The following TMEM45A variants were observed in gnomAD, a reference collection of about 807,000 sequenced individuals.
TMEM45A encodes DNA polymerase-transactivated protein 4.
In TMEM45A, 25 loss-of-function variants were observed where a neutral mutation model predicts 32.0. The ratio of observed to expected loss-of-function variants is 0.78; its 90% CI spans 0.57 to 1.09. The LOEUF (loss-of-function observed/expected upper bound fraction) is 1.09. Ranked by LOEUF, TMEM45A falls within the 50% of genes least tolerant of loss-of-function variation. The pLI, the probability that TMEM45A is intolerant of heterozygous loss-of-function variation, is 0.00. For synonymous variants in TMEM45A, 122 were observed against 114.8 expected, an observed-to-expected ratio of 1.06 and a Z score of -0.40; for missense variants, 302 against 325.0, an observed-to-expected ratio of 0.93 and a Z score of 0.54.
chr3:100,523,005 C>G (rs1334101488), intron 1 of TMEM45A, among the ~76,000 whole-genome samples: 5 of 152,186 alleles, frequency 3.3e-5, no homozygotes, highest in Non-Finnish European at 5.9e-5. Context: ...TGCATGTCCC[C>G]TGTCCCCTCC....
chr3:100,540,177 A>C (rs1005832011), intron 1 of TMEM45A, among the ~76,000 whole-genome samples: 3 of 152,170 alleles, frequency 2.0e-5, no homozygotes, highest in African/African-American at 7.2e-5. Flanking sequence ...ATTTTGAGTT[A>C]ATTTTTATGG....
chr3:100,495,019 C>T (rs1001301878), intron 1 of TMEM45A, among the ~76,000 whole-genome samples: 1 of 152,328 alleles, frequency 6.6e-6, no homozygotes, highest in African/African-American at 2.4e-5. Flanking sequence ...CATGTCTTTG[C>T]TGTTGTACTC....
chr3:100,561,793 T>C (rs7647499), intron 4 of TMEM45A, among the ~76,000 whole-genome samples: 35,671 of 152,080 alleles, frequency 0.23, 5,867 homozygotes, highest in African/African-American at 0.45. Context: ...TTGCTTCTTG[T>C]TTTTTAGGAC....
intron 4 of TMEM45A, among the ~76,000 whole-genome samples, chr3:100,567,811 G>A (rs1405515737): frequency 1.3e-5 from 2 of 152,000 alleles, no homozygotes; most frequent in Non-Finnish European, 2.9e-5. Context: ...TTGAGACGGA[G>A]ACTTGCTCTG....
At position 100,568,921 on chromosome 3, in the gene TMEM45A, G is replaced by T; in HGVS notation, c.688G>T (p.Ala230Ser). 6.2e-7 allele frequency: 1 copy of T among 1,613,738 alleles called. No homozygotes were observed. Among genetic ancestry groups the T allele is most frequent in the Non-Finnish European group, 8.5e-7 (1 of 1,179,812 alleles). Residue 230 changes from alanine (A) to serine (S), a missense_variant, in exon 5 of 6, where the codon GCA becomes TCA. By Grantham distance (99) the Ala-to-Ser change is moderately conservative. Coordinates refer to ENST00000323523, the MANE Select transcript of TMEM45A (RefSeq NM_018004.3). ...FLTICFCWHYAVTIVIVGMNY... is the reference protein window; with the variant it reads ...FLTICFCWHYSVTIVIVGMNY... ...CACCATATGCTTTTGTTGGCATTAT[G>T]CAGTAACCATTGTCATCGTTGGAAT...
At chr3:100,536,773 C>T (rs1299426580) in intron 1 of TMEM45A, among the ~76,000 whole-genome samples, 2 of 152,186 alleles carry the variant, frequency 1.3e-5, no homozygotes, top group East Asian at 1.9e-4. Context: ...TTGTCCCTTT[C>T]GATGCAGTTC....
chr3:100,536,039 A>G (rs1705734094), intron 1 of TMEM45A, among the ~76,000 whole-genome samples: 1 of 152,182 alleles, frequency 6.6e-6, no homozygotes, highest in South Asian at 2.1e-4. Flanking sequence ...CCCCCAGGTG[A>G]CATTTATCAA....
At chr3:100,529,484 G>A (rs1705608175) in intron 1 of TMEM45A, among the ~76,000 whole-genome samples, 1 of 152,094 alleles carries the variant, frequency 6.6e-6, no homozygotes, top group African/African-American at 2.4e-5. Context: ...GCGCTGTGGG[G>A]GCATAGTGGG....
chr3:100,566,941 T>C (rs780688918), intron 4 of TMEM45A, among the ~76,000 whole-genome samples: 11 of 152,148 alleles, frequency 7.2e-5, no homozygotes, highest in Non-Finnish European at 1.5e-4. Flanking sequence ...AGTTGTCTTT[T>C]CATTTTCTTA....
chr3:100,564,919 A>G (rs1294659191), intron 4 of TMEM45A, among the ~76,000 whole-genome samples: 1 of 152,242 alleles, frequency 6.6e-6, no homozygotes, highest in Non-Finnish European at 1.5e-5. Flanking sequence ...CTTCCATCTC[A>G]GTACTGATTA....
chr3:100,531,698 T>C (rs1481921210), intron 1 of TMEM45A, among the ~76,000 whole-genome samples: 1 of 152,230 alleles, frequency 6.6e-6, no homozygotes, highest in Non-Finnish European at 1.5e-5. Flanking sequence ...TCAGTAGTTA[T>C]TGGCTTGAAT....
At chr3:100,524,282 C>G (rs1192747876) in intron 1 of TMEM45A, among the ~76,000 whole-genome samples, 2 of 152,282 alleles carry the variant, frequency 1.3e-5, no homozygotes, top group East Asian at 3.9e-4. Context: ...AACCAGTGTC[C>G]TCATTTATAA....
intron 1 of TMEM45A, among the ~76,000 whole-genome samples, chr3:100,528,485 A>G (rs1705589264): frequency 6.6e-6 from 1 of 152,170 alleles, no homozygotes; most frequent in Non-Finnish European, 1.5e-5. Flanking sequence ...GGCTGAAGTA[A>G]TGACTTTAAG....
chr3:100,508,040 G>A (rs1708101464), intron 1 of TMEM45A, among the ~76,000 whole-genome samples: 1 of 151,782 alleles, frequency 6.6e-6, no homozygotes, highest in Non-Finnish European at 1.5e-5. Context: ...CATGGAAGGA[G>A]AGGAAAGCAA....
intron 1 of TMEM45A, among the ~76,000 whole-genome samples, chr3:100,513,023 C>A (rs1317097759): frequency 6.7e-6 from 1 of 149,508 alleles, no homozygotes; most frequent in Non-Finnish European, 1.5e-5. Flanking sequence ...CAGATGGATT[C>A]ACAGCCGAAT....
At chr3:100,565,510 A>G (rs1309883417) in intron 4 of TMEM45A, among the ~76,000 whole-genome samples, 1 of 152,142 alleles carries the variant, frequency 6.6e-6, no homozygotes, top group African/African-American at 2.4e-5. Context: ...ACGTGTAATC[A>G]TGGGCAAATC....
intron 1 of TMEM45A, among the ~76,000 whole-genome samples, chr3:100,543,062 A>T (rs1422197204): frequency 6.6e-6 from 1 of 152,232 alleles, no homozygotes; most frequent in Non-Finnish European, 1.5e-5. Flanking sequence ...ATGGAAAAAT[A>T]AAAACAGTAC....
At position 100,555,283 on chromosome 3, in the gene TMEM45A, G is replaced by T. The variant is rs771078563; in HGVS notation, c.72G>T (p.Lys24Asn). Residue 24 changes from lysine (K) to asparagine (N), a missense_variant, in exon 2 of 6, where the codon AAG (lysine) becomes AAT (asparagine). Transcript: ENST00000323523. Reference sequence around the variant, plus strand: ...TTATTGGTCTTTGGTGGTGTACAAAGAGTATTCTGAAGTATATCTGCAAAA... The same window carrying T: ...TTATTGGTCTTTGGTGGTGTACAAATAGTATTCTGAAGTATATCTGCAAAA... Reference protein sequence around the residue: ...FFIIGLWWCTKSILKYICKKQ... With the variant: ...FFIIGLWWCTNSILKYICKKQ... 6.2e-7 allele frequency: 1 copy of T among 1,613,962 alleles called. No individual in the cohort carries two copies. Among genetic ancestry groups the T allele is most frequent in the Non-Finnish European group, 8.5e-7 (1 of 1,179,906 alleles).
intron 1 of TMEM45A, among the ~76,000 whole-genome samples, chr3:100,499,767 C>T (rs1707985266): frequency 6.6e-6 from 1 of 152,110 alleles, no homozygotes; most frequent in African/African-American, 2.4e-5. Context: ...ATCCCAGCTA[C>T]TTAGGGTCTG....
Sources: gnomAD v4.1 joint callset for allele counts (sites outside exome capture counted in the v4.1 genomes callset) on GRCh38, gnomAD v4.1.1 for gene constraint, MANE v1.5 for transcripts, NCBI Gene and HGNC (gene_info 2026-07-23, HGNC 2026-07-21) for gene names.